Variants in RTKN2 observed in about 807,000 individuals in gnomAD.
The protein encoded by RTKN2 is rhotekin-2.
A neutral mutation model predicts 71.5 loss-of-function variants in RTKN2; 69 were observed. That is an observed-to-expected ratio of 0.96 (90% confidence interval 0.79 to 1.18). The LOEUF is 1.18. Among genes scored for constraint, RTKN2 ranks in the 50% most tolerant of loss-of-function variants. RTKN2 has a pLI of 0.00. For synonymous variants in RTKN2, 236 were observed against 236.5 expected (o/e 1.00, Z 0.02); for missense variants, 724 against 719.7 (o/e 1.01, Z -0.07).
intron 6 of RTKN2, among the ~76,000 whole-genome samples, chr10:62,228,036 T>C (rs1287506330): frequency 1.3e-5 from 2 of 152,184 alleles, no homozygotes; most frequent in African/African-American, 4.8e-5. Flanking sequence ...GTTTTTGATA[T>C]CTAGGTGCAT....
At chr10:62,251,652 C>T (rs1842584098) in intron 2 of RTKN2, among the ~76,000 whole-genome samples, 1 of 152,070 alleles carries the variant, frequency 6.6e-6, no homozygotes. Flanking sequence ...TATAAAGTAA[C>T]AAAAACCATA....
chr10:62,268,551 C>T lies in RTKN2; in HGVS notation c.60G>A (p.Gln20=). 1 of 1,556,854 alleles carries T rather than the reference C, an allele frequency of 6.4e-7. No individual in the cohort carries two copies. The highest frequency in any genetic ancestry group is 8.7e-7 in the Non-Finnish European group (1 of 1,150,028). The change falls in exon 1 of 12, where the codon CAG becomes CAA. Residue 20 remains glutamine, a splice_region_variant and synonymous_variant. Coordinates refer to ENST00000373789, the MANE Select transcript of RTKN2 (RefSeq NM_145307.4). ...ALRLAGLPTQ[Q]DCNIQEKIDL... is the part of the protein sequence containing the mutation. Reference sequence around the variant, plus strand: ...CGGCAGGGTCCCTCCCGCAACTCACCTGCTGGGTGGGAAGCCCCGCCAGGC... The same window carrying T: ...CGGCAGGGTCCCTCCCGCAACTCACTTGCTGGGTGGGAAGCCCCGCCAGGC...
In RTKN2 at chr10:62,199,749, C is replaced by T; in HGVS notation, c.1294+5G>A. 6.4e-7 allele frequency: 1 copy of T among 1,563,000 alleles called. No individual in the cohort carries two copies. Among genetic ancestry groups the T allele is most frequent in the South Asian group, 1.1e-5 (1 of 89,856 alleles). ...TGCAGCTTAGAAAAGACAAACCCCA[C>T]TTACTCATATCATGGTAGACTGAGG... On this transcript the variant is annotated splice_donor_5th_base_variant and intron_variant, in intron 11 of 11. Transcript: ENST00000373789.
In RTKN2 at chr10:62,259,592, C is replaced by A. The variant is rs534774620; in HGVS notation, c.257+3033G>T. On this transcript the variant is annotated intron_variant, in intron 2 of 11. Transcript: ENST00000373789. ...TTTGAGACAGAATCTCACTCTTTTG[C>A]GCTGGCTGGAGTGCTGTGGTGCAAT... 8.5e-5 allele frequency among the ~76,000 whole-genome samples: 13 copies of A among 152,128 alleles called. No homozygotes were observed. The South Asian group carries it at 1.9e-3, about 22-fold the overall frequency.
chr10:62,236,929 T>C (rs554619434), intron 5 of RTKN2, among the ~76,000 whole-genome samples: 1 of 149,646 alleles, frequency 6.7e-6, no homozygotes, highest in Admixed American at 6.7e-5. Flanking sequence ...CTCAAAACCA[T>C]AGAAATAGAG....
intron 9 of RTKN2, 94 bp from the exon 10 acceptor site, chr10:62,205,116 G>C: frequency 1.1e-6 from 1 of 934,730 alleles, no homozygotes; most frequent in Non-Finnish European, 1.6e-6. Flanking sequence ...ATTTATACCT[G>C]ATGTAACCAT....
chr10:62,225,198 T>C (rs2195851), intron 6 of RTKN2, among the ~76,000 whole-genome samples: 7 of 152,184 alleles, frequency 4.6e-5, no homozygotes, highest in Admixed American at 2.6e-4. Context: ...GCTGACAAAA[T>C]AATTTATTGT....
Position 62,223,314 on chromosome 10 carries a change from CAAATT to C in RTKN2, c.700_704del (p.Asn234AlafsTer12). On this transcript the variant is annotated frameshift_variant, in exon 7 of 12. Coordinates refer to ENST00000373789, the MANE Select transcript of RTKN2 (RefSeq NM_145307.4). LOFTEE classifies it high-confidence loss of function. ...CCAAGGTTAGGGTAGTGTGAGCTAG[CAAATT>C]ATACTTTACACCACTAATAGTAAGA... The C allele has an allele frequency of 1.2e-6, 2 of 1,604,952 alleles. No homozygotes were observed. The highest frequency in any genetic ancestry group is 1.7e-6 in the Non-Finnish European group (2 of 1,171,906).
chr10:62,198,468 AC>A lies in RTKN2; in HGVS notation c.1295-26del, dbSNP rs780101744. ...CCTATAATAATTTTAAGAAAAAAAA[AC>A]ATGAAAAAATTCAAAAGCAGTATGT... is the stretch of plus-strand genomic sequence containing the variant. On this transcript the variant is annotated intron_variant, in intron 11 of 11. Transcript: ENST00000373789. The A allele has an allele frequency of 3.1e-5, 43 of 1,390,766 alleles. No homozygotes were observed. The African/African-American group carries it at 3.2e-4, about 10-fold the overall frequency. 86.2% of individuals were successfully genotyped at this position (1,390,766 alleles called of 1,614,324 possible).
chr10:62,241,020 T>C (rs1443809075), intron 4 of RTKN2, 122 bp downstream of exon 4: 1 of 592,872 alleles, frequency 1.7e-6, no homozygotes, highest in Non-Finnish European at 3.0e-6. Context: ...CAGTTCAAGA[T>C]GCTGCTTATT....
chr10:62,213,201 T>C (rs1475199103), intron 9 of RTKN2, among the ~76,000 whole-genome samples: 6 of 152,198 alleles, frequency 3.9e-5, no homozygotes, highest in African/African-American at 1.2e-4. Context: ...AAAACCATTA[T>C]GTGAAAGATT....
intron 9 of RTKN2, among the ~76,000 whole-genome samples, chr10:62,211,717 G>A (rs1054702091): frequency 6.6e-6 from 1 of 152,138 alleles, no homozygotes; most frequent in Non-Finnish European, 1.5e-5. Context: ...CTGGAGTGCA[G>A]TGGCACAATC....
chr10:62,213,070 A>G (rs1841694995), intron 9 of RTKN2, among the ~76,000 whole-genome samples: 1 of 152,224 alleles, frequency 6.6e-6, no homozygotes, highest in African/African-American at 2.4e-5. Flanking sequence ...TTGATAAGAA[A>G]AACTTCTTTA....
At chr10:62,214,926 C>T (rs750860473) in intron 9 of RTKN2, 8 of 531,406 alleles carry the variant, frequency 1.5e-5, no homozygotes, top group Non-Finnish European at 2.3e-5. Flanking sequence ...TATAATTTTC[C>T]TTACTAGTTT....
At chr10:62,201,092 T>G (rs779190950) in intron 10 of RTKN2, among the ~76,000 whole-genome samples, 25 of 152,166 alleles carry the variant, frequency 1.6e-4, no homozygotes, top group Non-Finnish European at 2.8e-4. Flanking sequence ...ATTAATTTTA[T>G]AAGAGTTAGT....
In RTKN2 at chr10:62,193,099, TTA is replaced by T. The variant is rs940935417; in HGVS notation, c.*4807_*4808del. 16 of 445,126 alleles carry T rather than the reference TTA, an allele frequency of 3.6e-5. No homozygotes were observed. The highest frequency in any genetic ancestry group is 4.8e-5 in the Non-Finnish European group (16 of 336,432). 27.6% of individuals were successfully genotyped at this position (445,126 alleles called of 1,614,324 possible). A position where few individuals can be genotyped will look rare whatever the true frequency, so the allele number is the denominator to read the frequency against. On this transcript the variant is annotated 3_prime_UTR_variant, in exon 12 of 12. Transcript: ENST00000373789. ...TGCTACAACTAATTCAGTTAAATGTTTATTAAGATTAAGTTCTACAAAAATGC... is the reference window on the plus strand; with the variant it reads ...TGCTACAACTAATTCAGTTAAATGTTTTAAGATTAAGTTCTACAAAAATGC...
chr10:62,189,233 A>T (rs1589323703), downstream of RTKN2, among the ~76,000 whole-genome samples: 2 of 151,982 alleles, frequency 1.3e-5, no homozygotes, highest in East Asian at 3.9e-4. Flanking sequence ...CTCTCTTCCC[A>T]CCAAACACAA....
At chr10:62,216,654 A>AAC (rs1200650042) in intron 9 of RTKN2, among the ~76,000 whole-genome samples, 1 of 152,088 alleles carries the variant, frequency 6.6e-6, no homozygotes, top group Non-Finnish European at 1.5e-5. Context: ...CAACTATTCT[A>AAC]AATGGACTGT....
Position 62,241,145 on chromosome 10 carries a change from C to G in RTKN2, c.367G>C (p.Glu123Gln), listed in dbSNP as rs778515626. 2.6e-6 allele frequency: 4 copies of G among 1,528,216 alleles called. No homozygotes were observed. Among genetic ancestry groups the G allele is most frequent in the Non-Finnish European group, 3.6e-6 (4 of 1,110,918 alleles). The allele number at this position is 1,528,216 out of a possible 1,614,324, so 94.7% of individuals were successfully genotyped here. A position where few individuals can be genotyped will look rare whatever the true frequency, so the allele number is the denominator to read the frequency against. The change falls in exon 4 of 12, where the codon GAA becomes CAA. Residue 123 changes from glutamate to glutamine, a missense_variant. By Grantham distance (29) the Glu-to-Gln change is conservative. Transcript: ENST00000373789. ...WKDSDHFSNK[E>Q]RSRRYAIFCL... ...TACAAATTAAAATCATACATACGTT[C>G]TTTATTGCTGAAGTGATCAGAGTCT... is the stretch of plus-strand genomic sequence containing the variant.
Sources: allele counts gnomAD v4.1 joint callset (sites outside exome capture counted in the v4.1 genomes callset), GRCh38; gene constraint gnomAD v4.1.1; transcripts MANE v1.5; gene names NCBI Gene and HGNC (gene_info 2026-07-23, HGNC 2026-07-21).